The following JCAD variants were observed in gnomAD, a reference collection of about 807,000 sequenced individuals.
The protein encoded by JCAD is junctional cadherin 5-associated protein.
Under a neutral mutation model 98.0 loss-of-function variants are expected in JCAD, and 40 were observed. That is an observed-to-expected ratio of 0.41 (90% CI 0.32 to 0.53). The LOEUF is 0.53. Ranked by LOEUF, JCAD falls within the 20% of genes least tolerant of loss-of-function variation. The pLI is 0.31. For missense variants in JCAD, 1,705 were observed against 1,738.1 expected (o/e 0.98, Z 0.34); for synonymous variants, 691 against 682.3 (o/e 1.01, Z -0.20).
rs528325925 is a variant in JCAD, at chr10:30,026,251, C to T, written c.3897G>A (p.Pro1299=). The stretch of plus-strand genomic sequence containing the variant: ...CACTGCCAGGAGACACAAGGCCTCC[C>T]GGGAGCCCGGCCTGGCCCCTTGTGG... The part of the protein sequence containing the change: ...KATTRGQAGL[P]GGLVSPGSGD... The change falls in exon 3 of 4, where the codon CCG becomes CCA. Residue 1299 remains proline, a synonymous_variant. Coordinates refer to ENST00000375377, the MANE Select transcript of JCAD (RefSeq NM_020848.4). 36 of 1,613,928 alleles carry T rather than the reference C, an allele frequency of 2.2e-5. No homozygotes were observed. The highest frequency in any genetic ancestry group is 5.3e-5 in the African/African-American group (4 of 75,058).
At chr10:30,075,538 C>G (rs1326497956) in intron 1 of JCAD, among the ~76,000 whole-genome samples, 1 of 152,148 alleles carries the variant, frequency 6.6e-6, no homozygotes, top group Non-Finnish European at 1.5e-5. Flanking sequence ...CTAGTGTACC[C>G]AAGGTTTCCT....
Position 30,026,936 on chromosome 10 carries a change from G to T in JCAD, c.3212C>A (p.Ala1071Glu), listed in dbSNP as rs377064457. 6.2e-7 allele frequency: 1 copy of T among 1,614,142 alleles called. No homozygotes were observed. Among genetic ancestry groups the T allele is most frequent in the Admixed American group, 1.7e-5 (1 of 60,026 alleles). Reference sequence around the variant, plus strand: ...ACCTGGGGGGATTTCTATTGTGCTTGCTTCACCCAAAGACCCCTCTAGCTC... The same window carrying T: ...ACCTGGGGGGATTTCTATTGTGCTTTCTTCACCCAAAGACCCCTCTAGCTC... ...ASELEGSLGE[A>E]STIEIPPGES... The change falls in exon 3 of 4, where the codon GCA becomes GAA. Residue 1071 changes from alanine to glutamate, a missense_variant. Ala to Glu is a moderately radical substitution (Grantham distance 107). Around this residue, in one of 3 missense-constraint regions of JCAD, gnomAD observed 1,278 missense variants for 1,243.1 expected, o/e 1.03. Transcript: ENST00000375377.
intron 2 of JCAD, among the ~76,000 whole-genome samples, chr10:30,067,296 G>C (rs185337448): frequency 1.3e-5 from 2 of 152,176 alleles, no homozygotes; most frequent in East Asian, 3.9e-4. Flanking sequence ...AATACAAGGT[G>C]GAAGGGAGAG....
intron 3 of JCAD, 93 bp downstream of exon 3, chr10:30,026,010 T>C (rs762571403): frequency 8.7e-5 from 122 of 1,405,940 alleles, no homozygotes; most frequent in African/African-American, 1.3e-4. Flanking sequence ...TTTCTGAATA[T>C]GCAGATTTAC....
intron 3 of JCAD, among the ~76,000 whole-genome samples, chr10:30,020,127 G>A (rs980259181): frequency 2.0e-5 from 3 of 151,834 alleles, no homozygotes; most frequent in African/African-American, 7.3e-5. Flanking sequence ...TCGAGTTGGA[G>A]ACCAGCCTGG....
At chr10:30,112,752 A>T (rs1249749038) in intron 1 of JCAD, among the ~76,000 whole-genome samples, 1 of 151,820 alleles carries the variant, frequency 6.6e-6, no homozygotes, top group African/African-American at 2.4e-5. Flanking sequence ...CATGCCTGTA[A>T]TCCCAGCTAC....
In JCAD at chr10:30,014,091, G is replaced by C. The variant is rs1256858633; in HGVS notation, c.*3792C>G. The C allele has an allele frequency of 6.6e-6, 1 of 152,046 alleles. No individual in the cohort carries two copies. Among genetic ancestry groups the C allele is most frequent in the African/African-American group, 2.4e-5 (1 of 41,380 alleles). 9.4% of individuals were successfully genotyped at this position (152,046 alleles called of 1,614,324 possible). A position where few individuals can be genotyped will look rare whatever the true frequency, so the allele number is the denominator to read the frequency against. The stretch of plus-strand genomic sequence containing the variant: ...CCCCTTCTTAGTGTGGTGGGTCCCA[G>C]AGTGGACCAACCCACACTCCTGGAG... On this transcript the variant is annotated 3_prime_UTR_variant, in exon 4 of 4. Coordinates refer to ENST00000375377, the MANE Select transcript of JCAD (RefSeq NM_020848.4).
chr10:30,024,271 T>G lies in JCAD; in HGVS notation c.4045+1832A>C, dbSNP rs568079452. On this transcript the variant is annotated intron_variant, in intron 3 of 3. Transcript: ENST00000375377. ...TATAACAGGATTTATTTGTCTTATT[T>G]TAAACTCCTTACAATTTTCAGGAAG... Among the ~76,000 whole-genome samples, 3 of 152,316 alleles carry G rather than the reference T, an allele frequency of 2.0e-5. No individual in the cohort carries two copies. The South Asian group carries it at 6.2e-4, about 32-fold the overall frequency.
chr10:30,108,576 T>A (rs1838630038), intron 1 of JCAD, among the ~76,000 whole-genome samples: 1 of 152,166 alleles, frequency 6.6e-6, no homozygotes, highest in African/African-American at 2.4e-5. Context: ...TGTTCATTGT[T>A]CATTCATTGA....
rs1382587458 is a variant in JCAD, at chr10:30,017,839, G to C, written c.*44C>G. ...TAGACTAAATCTACCAGCTACTTGA[G>C]AATACTCAATTCGCAACGGAATGCA... On this transcript the variant is annotated 3_prime_UTR_variant, in exon 4 of 4. Transcript: ENST00000375377. 6.3e-7 allele frequency: 1 copy of C among 1,577,684 alleles called. No individual in the cohort carries two copies. Among genetic ancestry groups the C allele is most frequent in the Non-Finnish European group, 8.7e-7 (1 of 1,146,662 alleles).
chr10:30,028,098 G>A lies in JCAD; in HGVS notation c.2050C>T (p.His684Tyr). The change falls in exon 3 of 4, where the codon CAC becomes TAC. Residue 684 changes from histidine to tyrosine, a missense_variant. By Grantham distance (83) the His-to-Tyr change is moderately conservative. Around this residue, in one of 3 missense-constraint regions of JCAD, gnomAD observed 1,278 missense variants for 1,243.1 expected, o/e 1.03. Transcript: ENST00000375377. ...ELKHSGSWPG[H>Y]RYRDQQTQTS... ...TGTGTTTGCTGATCTCTGTACCGGT[G>A]CCCTGGCCAAGAGCCAGAATGCTTG... 4 of 1,614,240 alleles carry A rather than the reference G, an allele frequency of 2.5e-6. No homozygotes were observed. Among genetic ancestry groups the A allele is most frequent in the Non-Finnish European group, 2.5e-6 (3 of 1,180,044 alleles).
Position 30,108,541 on chromosome 10 carries a change from AAGG to A in JCAD, n.128+6823_128+6825del, listed in dbSNP as rs201575906. Among the ~76,000 whole-genome samples the A allele has an allele frequency of 2.3e-3, 354 of 152,310 alleles. 4 individuals are homozygous for A. The highest frequency in any genetic ancestry group is 8.2e-3 in the African/African-American group (340 of 41,564). The stretch of plus-strand genomic sequence containing the variant: ...TACACACTCAGAGTGAGGGGCTTAT[AAGG>A]AGAAGATATCCCATCGTTCATTGTT... On this transcript the variant is annotated intron_variant and non_coding_transcript_variant, in intron 1 of 2. Transcript: ENST00000465712.
intron 3 of JCAD, among the ~76,000 whole-genome samples, chr10:30,021,502 T>C (rs1020570611): frequency 2.0e-5 from 3 of 152,242 alleles, no homozygotes; most frequent in African/African-American, 7.2e-5. Context: ...ATCATTATTT[T>C]AAATGTTCTA....
intron 1 of JCAD, among the ~76,000 whole-genome samples, chr10:30,092,126 A>ATATATATATATAT (rs1491284119): frequency 1.0e-4 from 11 of 107,092 alleles, no homozygotes; most frequent in African/African-American, 2.3e-4. Context: ...ATATATATAT[A>ATATATATATATAT]AAAAACATTT....
chr10:30,079,361 A>T (rs1319607116), intron 1 of JCAD, among the ~76,000 whole-genome samples: 2 of 150,870 alleles, frequency 1.3e-5, no homozygotes, highest in Admixed American at 1.3e-4. Context: ...AAAAAAAAAA[A>T]AAAAAAGAAT....
intron 1 of JCAD, among the ~76,000 whole-genome samples, chr10:30,073,227 TTG>T (rs933747046): frequency 2.6e-5 from 4 of 152,212 alleles, no homozygotes; most frequent in Non-Finnish European, 5.9e-5. Context: ...CTGCCATTCA[TTG>T]TGTGTCTTCA....
chr10:30,108,690 T>A (rs909854291), intron 1 of JCAD, among the ~76,000 whole-genome samples: 26 of 152,120 alleles, frequency 1.7e-4, no homozygotes, highest in African/African-American at 6.3e-4. Flanking sequence ...TTTCACTAAG[T>A]CCGTGGGAGG....
intron 1 of JCAD, among the ~76,000 whole-genome samples, chr10:30,110,414 G>A (rs575224592): frequency 7.6e-4 from 115 of 151,026 alleles, no homozygotes; most frequent in African/African-American, 2.6e-3. Flanking sequence ...TGTATGGACC[G>A]GCTAATGTAT....
At chr10:30,034,087 G>A (rs1284636176) in intron 2 of JCAD, among the ~76,000 whole-genome samples, 4 of 151,714 alleles carry the variant, frequency 2.6e-5, no homozygotes, top group Admixed American at 6.6e-5. Flanking sequence ...GCCGGGTGTG[G>A]TGGCGGGCAT....
Sources: allele counts gnomAD v4.1 joint callset (sites outside exome capture counted in the v4.1 genomes callset), GRCh38; gene constraint gnomAD v4.1.1; regional missense constraint gnomAD v4.1.1; transcripts MANE v1.5; gene names NCBI Gene and HGNC (gene_info 2026-07-23, HGNC 2026-07-21).